The following HPSE2 variants were observed in gnomAD, a reference collection of about 807,000 sequenced individuals.
The protein encoded by HPSE2 is inactive heparanase-2.
In HPSE2, 38 loss-of-function variants were observed where a neutral mutation model predicts 60.5. That is an observed-to-expected ratio of 0.63 (90% CI 0.48 to 0.82). The LOEUF (loss-of-function observed/expected upper bound fraction) is 0.82, where lower values mean the gene tolerates loss of function less well. HPSE2 is among the 40% of genes least tolerant of loss of function. HPSE2 has a pLI of 0.00. For synonymous variants in HPSE2, 295 were observed against 293.2 expected, an observed-to-expected ratio of 1.01 and a Z score of -0.06; for missense variants, 713 against 740.4, an observed-to-expected ratio of 0.96 and a Z score of 0.43.
chr10:98,842,717 C>T (rs1448961090), intron 3 of HPSE2, among the ~76,000 whole-genome samples: 1 of 152,072 alleles, frequency 6.6e-6, no homozygotes, highest in Non-Finnish European at 1.5e-5. Flanking sequence ...CACCCAAAGT[C>T]CATGGTTTAC....
chr10:98,799,557 TACTCAAAAA>T (rs919724673), intron 3 of HPSE2, among the ~76,000 whole-genome samples: 8 of 152,114 alleles, frequency 5.3e-5, no homozygotes, highest in African/African-American at 1.7e-4. Flanking sequence ...AGTCTTAAAA[TACTCAAAAA>T]ACTGAAATAA....
chr10:99,052,001 G>A (rs1222329845), intron 3 of HPSE2, among the ~76,000 whole-genome samples: 1 of 150,880 alleles, frequency 6.6e-6, no homozygotes, highest in African/African-American at 2.4e-5. Context: ...AGATTCTCCA[G>A]GGTATATCAA....
At chr10:99,227,487 A>T (rs1849509316) in intron 2 of HPSE2, among the ~76,000 whole-genome samples, 1 of 152,112 alleles carries the variant, frequency 6.6e-6, no homozygotes, top group African/African-American at 2.4e-5. Flanking sequence ...AAGACAACTT[A>T]GACAACCACA....
chr10:98,905,043 G>A (rs143173131), intron 3 of HPSE2, among the ~76,000 whole-genome samples: 1 of 152,122 alleles, frequency 6.6e-6, no homozygotes, highest in Non-Finnish European at 1.5e-5. Flanking sequence ...TTACATACAT[G>A]GGCATAATAA....
At chr10:98,577,510 A>G (rs1944674502) in intron 9 of HPSE2, among the ~76,000 whole-genome samples, 1 of 152,218 alleles carries the variant, frequency 6.6e-6, no homozygotes, top group Non-Finnish European at 1.5e-5. Context: ...CCCCACAATG[A>G]AAGATTCACT....
chr10:98,557,598 A>G (rs537500622), intron 9 of HPSE2, among the ~76,000 whole-genome samples: 31 of 152,342 alleles, frequency 2.0e-4, no homozygotes, highest in African/African-American at 7.0e-4. Flanking sequence ...AATCTTGATC[A>G]TAAAGAAAAA....
At chr10:98,461,654 T>C in intron 11 of HPSE2, 1 of 742,582 alleles carries the variant, frequency 1.3e-6, no homozygotes, top group Non-Finnish European at 2.2e-6. Context: ...AGTTCAATAA[T>C]ACCGATTAAT....
At chr10:99,255,917 C>T in the HPSE2 span, among the ~76,000 whole-genome samples, 26 of 152,298 alleles carry the variant, frequency 1.7e-4, no homozygotes, top group Non-Finnish European at 3.1e-4. Context: ...CACAGTTCCA[C>T]AGGCTGTGAA....
At chr10:99,031,186 T>A (rs746427858) in intron 3 of HPSE2, among the ~76,000 whole-genome samples, 2 of 152,152 alleles carry the variant, frequency 1.3e-5, no homozygotes, top group Non-Finnish European at 2.9e-5. Flanking sequence ...AGGGGACGGA[T>A]ACCACATTCT....
intron 2 of HPSE2, among the ~76,000 whole-genome samples, chr10:99,162,842 T>A (rs1284621319): frequency 6.6e-6 from 1 of 152,170 alleles, no homozygotes; most frequent in Non-Finnish European, 1.5e-5. Flanking sequence ...TCTGGATAAC[T>A]AAAACAGTCC....
intron 3 of HPSE2, among the ~76,000 whole-genome samples, chr10:98,854,472 T>G (rs917807288): frequency 6.6e-6 from 1 of 152,232 alleles, no homozygotes. Flanking sequence ...ACTTCTCATT[T>G]AGGAAATCAA....
the HPSE2 span, among the ~76,000 whole-genome samples, chr10:99,282,438 A>G: frequency 6.6e-6 from 1 of 152,208 alleles, no homozygotes; most frequent in Non-Finnish European, 1.5e-5. Flanking sequence ...AAAGATTTCA[A>G]TAACTCACTT....
At chr10:98,691,678 T>G (rs2134164660) in intron 6 of HPSE2, among the ~76,000 whole-genome samples, 1 of 152,348 alleles carries the variant, frequency 6.6e-6, no homozygotes, top group South Asian at 2.1e-4. Flanking sequence ...GGACATTATC[T>G]TGTTATCAAA....
At chr10:98,591,671 T>TA (rs1945094837) in intron 9 of HPSE2, among the ~76,000 whole-genome samples, 1 of 116,982 alleles carries the variant, frequency 8.5e-6, no homozygotes, top group Admixed American at 9.7e-5. Context: ...CAAAATAAAA[T>TA]AAAATAAAAT....
intron 8 of HPSE2, among the ~76,000 whole-genome samples, chr10:98,615,452 C>T (rs1945881497): frequency 1.3e-5 from 2 of 152,294 alleles, no homozygotes; most frequent in Admixed American, 1.3e-4. Flanking sequence ...GAATATGTAC[C>T]TTTAACAGAA....
chr10:98,728,328 G>C (rs1464483973), intron 4 of HPSE2, among the ~76,000 whole-genome samples: 1 of 152,130 alleles, frequency 6.6e-6, no homozygotes, highest in Non-Finnish European at 1.5e-5. Context: ...TATTAAACTA[G>C]AATTAAGGCC....
At chr10:98,859,876 A>G (rs769243444) in intron 3 of HPSE2, among the ~76,000 whole-genome samples, 47 of 152,144 alleles carry the variant, frequency 3.1e-4, no homozygotes, top group Non-Finnish European at 5.9e-4. Context: ...TCAGTCAATT[A>G]CAGTCCAAAA....
intron 3 of HPSE2, among the ~76,000 whole-genome samples, chr10:98,829,031 G>A (rs1478161959): frequency 6.6e-6 from 1 of 152,130 alleles, no homozygotes; most frequent in African/African-American, 2.4e-5. Context: ...TCTGACATGT[G>A]CTACAACATA....
chr10:99,050,859 A>T (rs1209902758), intron 3 of HPSE2, among the ~76,000 whole-genome samples: 1 of 152,192 alleles, frequency 6.6e-6, no homozygotes, highest in Non-Finnish European at 1.5e-5. Flanking sequence ...GATAATAAGG[A>T]GATGTTAGTC....
Sources: gnomAD v4.1 joint callset for allele counts (sites outside exome capture counted in the v4.1 genomes callset) on GRCh38, gnomAD v4.1.1 for gene constraint, MANE v1.5 for transcripts, NCBI Gene and HGNC (gene_info 2026-07-23, HGNC 2026-07-21) for gene names.